Variants in WDR33 observed in about 807,000 individuals in gnomAD.
WDR33 encodes the protein pre-mRNA 3' end processing protein WDR33.
Under a neutral mutation model 164.9 loss-of-function variants are expected in WDR33, and 47 were observed. That is an observed-to-expected ratio of 0.29 (90% confidence interval 0.23 to 0.36). The LOEUF (loss-of-function observed/expected upper bound fraction) is 0.36. Ranked by LOEUF, WDR33 falls within the 10% of genes least tolerant of loss-of-function variation. The pLI, the probability that WDR33 is intolerant of heterozygous loss-of-function variation, is 1.00. For missense variants in WDR33, 1,137 were observed against 1,754.1 expected, an observed-to-expected ratio of 0.65 and a Z score of 6.28; for synonymous variants, 505 against 589.0, an observed-to-expected ratio of 0.86 and a Z score of 2.06.
At chr2:127,711,778 A>ATTTTTTTTTTTTTTTTTTTT in intron 18 of WDR33, among the ~76,000 whole-genome samples, 1 of 93,038 alleles carries the variant, frequency 1.1e-5, no homozygotes, top group African/African-American at 5.9e-5. Context: ...ATATATATAT[A>ATTTTTTTTTTTTTTTTTTTT]TATTTTTTTT....
At chr2:127,739,189 G>C (rs1241541009) in intron 7 of WDR33, among the ~76,000 whole-genome samples, 1 of 152,132 alleles carries the variant, frequency 6.6e-6, no homozygotes, top group Non-Finnish European at 1.5e-5. Flanking sequence ...GAAATGATGA[G>C]AGAGCAAAAA....
At chr2:127,777,254 T>C (rs1688216419) in intron 1 of WDR33, among the ~76,000 whole-genome samples, 2 of 152,250 alleles carry the variant, frequency 1.3e-5, no homozygotes, top group Admixed American at 1.3e-4. Flanking sequence ...GAGCCTACTT[T>C]ACATGCATAC....
chr2:127,726,503 A>T lies in WDR33; in HGVS notation c.851+148T>A. 9.4e-7 allele frequency: 1 copy of T among 1,060,862 alleles called. No individual in the cohort carries two copies. Among genetic ancestry groups the T allele is most frequent in the Non-Finnish European group, 1.3e-6 (1 of 753,460 alleles). 65.7% of individuals were successfully genotyped at this position (1,060,862 alleles called of 1,614,324 possible). Reference sequence around the variant, plus strand: ...AAGAGTTCAGAGATGAATCATATTTAATTCATAAGAAGTCTATAGATCCAA... The same window carrying T: ...AAGAGTTCAGAGATGAATCATATTTTATTCATAAGAAGTCTATAGATCCAA... On this transcript the variant is annotated intron_variant, in intron 8 of 21. Coordinates refer to ENST00000322313, the MANE Select transcript of WDR33 (RefSeq NM_018383.5). This position sits in a 1 kb window ranked among gnomAD's most constrained non-coding sequence, Gnocchi z 4.8.
At chr2:127,727,733 CA>C (rs1686605639) in intron 7 of WDR33, among the ~76,000 whole-genome samples, 1 of 152,078 alleles carries the variant, frequency 6.6e-6, no homozygotes, top group Non-Finnish European at 1.5e-5. Context: ...TACAAAGCCC[CA>C]AGGATATTTT....
intron 7 of WDR33, among the ~76,000 whole-genome samples, chr2:127,760,329 T>C (rs1007139708): frequency 1.3e-5 from 2 of 152,224 alleles, no homozygotes; most frequent in African/African-American, 4.8e-5. Flanking sequence ...CAAAGGAGTA[T>C]GCTTATCTAC....
chr2:127,769,238 A>G (rs1339969687), intron 2 of WDR33, among the ~76,000 whole-genome samples: 1 of 152,140 alleles, frequency 6.6e-6, no homozygotes, highest in Non-Finnish European at 1.5e-5. Context: ...CTGTAATCCT[A>G]GCACTTTGTG....
chr2:127,800,403 G>A (rs760561488), intron 1 of WDR33, among the ~76,000 whole-genome samples: 4 of 152,062 alleles, frequency 2.6e-5, no homozygotes, highest in South Asian at 2.1e-4. Context: ...GGGAGGCCGC[G>A]GCAGGCGGAT....
chr2:127,804,427 CTATA>C (rs1689363205), intron 1 of WDR33, among the ~76,000 whole-genome samples: 1 of 152,134 alleles, frequency 6.6e-6, no homozygotes, highest in Admixed American at 6.6e-5. Flanking sequence ...ATTTTCAATA[CTATA>C]TAAATGTTCA....
chr2:127,711,774 A>ATTTTTTTTTTTTTTTT lies in WDR33; in HGVS notation c.3308+1808_3308+1809insAAAAAAAAAAAAAAAA, dbSNP rs1382438028. ...CAGATATATATATATATATATATAT[A>ATTTTTTTTTTTTTTTT]TATATATTTTTTTTTTGAGACAGAG... On this transcript the variant is annotated intron_variant, in intron 18 of 21. Coordinates refer to ENST00000322313, the MANE Select transcript of WDR33 (RefSeq NM_018383.5). Among the ~76,000 whole-genome samples the ATTTTTTTTTTTTTTTT allele has an allele frequency of 5.5e-4, 51 of 93,338 alleles. 1 individual carries two copies. The highest frequency in any genetic ancestry group is 8.8e-4 in the Non-Finnish European group (45 of 51,122). 61.2% of individuals were successfully genotyped at this position (93,338 alleles called of 152,430 possible).
intron 1 of WDR33, among the ~76,000 whole-genome samples, chr2:127,779,484 A>C (rs1231040634): frequency 6.6e-6 from 1 of 152,192 alleles, no homozygotes; most frequent in African/African-American, 2.4e-5. Flanking sequence ...AGTTAAAAAA[A>C]ATAGAACATA....
intron 7 of WDR33, among the ~76,000 whole-genome samples, chr2:127,756,572 CAA>C (rs935854132): frequency 6.6e-6 from 1 of 151,978 alleles, no homozygotes; most frequent in African/African-American, 2.4e-5. Flanking sequence ...TAAAAACTAT[CAA>C]AGACCTGATA....
intron 4 of WDR33, among the ~76,000 whole-genome samples, chr2:127,765,744 C>T (rs761730310): frequency 2.6e-5 from 4 of 150,964 alleles, no homozygotes; most frequent in Non-Finnish European, 5.9e-5. Flanking sequence ...TAATAAGTAC[C>T]GATTTAAGGA....
intron 1 of WDR33, among the ~76,000 whole-genome samples, chr2:127,791,778 C>CT (rs1384940149): frequency 6.6e-6 from 1 of 152,090 alleles, no homozygotes; most frequent in Non-Finnish European, 1.5e-5. Flanking sequence ...GTGAAATTGT[C>CT]TTTTTTCTTT....
chr2:127,743,938 T>C (rs1158385422), intron 7 of WDR33, among the ~76,000 whole-genome samples: 3 of 152,168 alleles, frequency 2.0e-5, no homozygotes, highest in African/African-American at 4.8e-5. Flanking sequence ...AACAATTAGT[T>C]TTAAGAAACT....
intron 7 of WDR33, among the ~76,000 whole-genome samples, chr2:127,730,755 GAT>G (rs1686681866): frequency 6.6e-6 from 1 of 152,162 alleles, no homozygotes; most frequent in African/African-American, 2.4e-5. Context: ...CCAAAATGCA[GAT>G]ACGGATAGGC....
At chr2:127,774,048 CTTTTT>C (rs776082351) in intron 1 of WDR33, among the ~76,000 whole-genome samples, 1 of 110,788 alleles carries the variant, frequency 9.0e-6, no homozygotes, top group African/African-American at 3.6e-5. Flanking sequence ...GCCCAAAAGC[CTTTTT>C]TTTTTTTTTT....
intron 1 of WDR33, among the ~76,000 whole-genome samples, 186 bp from the exon 2 acceptor site, chr2:127,771,190 G>A (rs1171587509): frequency 6.6e-6 from 1 of 152,138 alleles, no homozygotes. Flanking sequence ...TGCATCCTTA[G>A]GCAATTTCAT....
rs1168261466 is a variant in WDR33, at chr2:127,720,568, G to C, written c.1672-215C>G. Among the ~76,000 whole-genome samples the C allele has an allele frequency of 6.6e-6, 1 of 152,048 alleles. No homozygotes were observed. Among genetic ancestry groups the C allele is most frequent in the Non-Finnish European group, 1.5e-5 (1 of 67,994 alleles). On this transcript the variant is annotated intron_variant, in intron 15 of 21. Transcript: ENST00000322313. This position sits in a 1 kb window ranked among gnomAD's most constrained non-coding sequence, Gnocchi z 5.9. Reference sequence around the variant, plus strand: ...TCTTTTTAAGTCCTGGGACACAGTAGTAAGGATTTTTTTTTCCTTATTTTT... The same window carrying C: ...TCTTTTTAAGTCCTGGGACACAGTACTAAGGATTTTTTTTTCCTTATTTTT...
At chr2:127,730,538 T>G (rs957426340) in intron 7 of WDR33, among the ~76,000 whole-genome samples, 4 of 152,042 alleles carry the variant, frequency 2.6e-5, no homozygotes, top group Admixed American at 2.0e-4. Context: ...GAAACAAATT[T>G]TAGAAGTGGA....
Sources: gnomAD v4.1 joint callset for allele counts (sites outside exome capture counted in the v4.1 genomes callset) on GRCh38, gnomAD v4.1.1 for gene constraint, Gnocchi (gnomAD v3.1) non-coding constraint, MANE v1.5 for transcripts, NCBI Gene and HGNC (gene_info 2026-07-23, HGNC 2026-07-21) for gene names.